Variants in SCAPER observed in about 807,000 individuals in gnomAD.
The protein encoded by SCAPER is S phase cyclin A-associated protein in the endoplasmic reticulum.
In SCAPER, 98 loss-of-function variants were observed where a neutral mutation model predicts 182.2. That is an observed-to-expected ratio of 0.54 (90% confidence interval 0.46 to 0.64). The LOEUF is 0.64. Ranked by LOEUF, SCAPER falls within the 30% of genes least tolerant of loss-of-function variation. SCAPER has a pLI of 0.00. For missense variants in SCAPER, 1,432 were observed against 1,690.0 expected, an observed-to-expected ratio of 0.85 and a Z score of 2.68; for synonymous variants, 605 against 564.6, an observed-to-expected ratio of 1.07 and a Z score of -1.01.
intron 10 of SCAPER, among the ~76,000 whole-genome samples, chr15:76,769,992 G>A (rs2063360344): frequency 6.6e-6 from 1 of 152,024 alleles, no homozygotes; most frequent in Admixed American, 6.6e-5. Context: ...AAGAAAATGT[G>A]GCACATATAT....
intron 21 of SCAPER, among the ~76,000 whole-genome samples, chr15:76,630,660 G>A (rs1317279030): frequency 6.6e-6 from 1 of 152,076 alleles, no homozygotes; most frequent in African/African-American, 2.4e-5. Context: ...TGTGGTCTGA[G>A]AGACCGTTAT....
chr15:76,708,412 GA>G (rs1009255856), intron 17 of SCAPER, among the ~76,000 whole-genome samples: 7 of 150,048 alleles, frequency 4.7e-5, no homozygotes, highest in East Asian at 1.9e-4. Flanking sequence ...GATATGCTAA[GA>G]AAAAAAGTAT....
chr15:76,403,381 A>G (rs1355379633), intron 27 of SCAPER, among the ~76,000 whole-genome samples: 1 of 152,222 alleles, frequency 6.6e-6, no homozygotes, highest in East Asian at 1.9e-4. Flanking sequence ...AACACTGAAC[A>G]CAGGCATGCT....
intron 24 of SCAPER, among the ~76,000 whole-genome samples, chr15:76,484,939 A>T (rs1160638290): frequency 2.0e-5 from 3 of 152,156 alleles, no homozygotes; most frequent in Non-Finnish European, 4.4e-5. Context: ...ACAAACCCAC[A>T]GCCATCATAC....
chr15:76,765,654 G>T lies in SCAPER; in HGVS notation c.1420-16C>A. On this transcript the variant is annotated splice_polypyrimidine_tract_variant and intron_variant, in intron 11 of 31. Coordinates refer to ENST00000563290, the MANE Select transcript of SCAPER (RefSeq NM_020843.4). ...CCATGCTGGCCTAAAATGTAATAAG[G>T]GAAGTTGAAAATCAAATCTTTGAAC... is the stretch of plus-strand genomic sequence containing the variant. 6.4e-7 allele frequency: 1 copy of T among 1,557,062 alleles called. No individual in the cohort carries two copies.
chr15:76,538,801 G>T (rs1179290621), intron 23 of SCAPER, among the ~76,000 whole-genome samples: 1 of 152,082 alleles, frequency 6.6e-6, no homozygotes, highest in Non-Finnish European at 1.5e-5. Context: ...AATGGAACCT[G>T]GCAAATTATG....
intron 27 of SCAPER, among the ~76,000 whole-genome samples, chr15:76,388,502 C>A (rs142585333): frequency 1.3e-5 from 2 of 151,960 alleles, no homozygotes; most frequent in African/African-American, 4.8e-5. Context: ...GTGAAGTGGG[C>A]CGTTTGGTGT....
At chr15:76,817,686 T>G (rs1452896109) in intron 5 of SCAPER, among the ~76,000 whole-genome samples, 2 of 152,092 alleles carry the variant, frequency 1.3e-5, no homozygotes, top group Non-Finnish European at 2.9e-5. Flanking sequence ...CTCAAATATA[T>G]ATAACAAATA....
At chr15:76,443,924 G>A (rs166933) in intron 25 of SCAPER, among the ~76,000 whole-genome samples, 15,389 of 152,224 alleles carry the variant, frequency 0.1, 915 homozygotes, top group African/African-American at 0.17. Context: ...AAGCAAATGC[G>A]GACCAGTCAA....
chr15:76,750,033 A>G (rs1005567280), intron 15 of SCAPER, among the ~76,000 whole-genome samples: 1 of 152,000 alleles, frequency 6.6e-6, no homozygotes. Context: ...AAAAACAGGC[A>G]CAAGAGATAA....
chr15:76,556,134 T>A (rs953477254), intron 23 of SCAPER, among the ~76,000 whole-genome samples: 2 of 152,056 alleles, frequency 1.3e-5, no homozygotes, highest in African/African-American at 2.4e-5. Context: ...GAAAACCATA[T>A]AATCACAAGG....
chr15:76,807,280 C>T (rs1259595651), intron 5 of SCAPER, among the ~76,000 whole-genome samples: 3 of 152,156 alleles, frequency 2.0e-5, no homozygotes, highest in African/African-American at 7.2e-5. Context: ...TTGTCAAATG[C>T]CTTTTCTGCA....
chr15:76,728,409 C>A (rs767472869), intron 17 of SCAPER, among the ~76,000 whole-genome samples, 186 bp downstream of exon 17: 3 of 152,088 alleles, frequency 2.0e-5, no homozygotes, highest in Non-Finnish European at 2.9e-5. Flanking sequence ...TGGTACACAC[C>A]TGTAGTCCAA....
chr15:76,533,231 ACT>A (rs1404848578), intron 23 of SCAPER, among the ~76,000 whole-genome samples: 1 of 152,194 alleles, frequency 6.6e-6, no homozygotes, highest in African/African-American at 2.4e-5. Context: ...AAGGAAGTGC[ACT>A]GTTAAAAATC....
At chr15:76,582,034 C>G (rs755673205) in intron 22 of SCAPER, among the ~76,000 whole-genome samples, 2 of 152,148 alleles carry the variant, frequency 1.3e-5, no homozygotes, top group East Asian at 3.8e-4. Context: ...AAAAGCCTTT[C>G]CTCTAAGAAC....
rs371841334 is a variant in SCAPER at position 76,693,307 on chromosome 15, G to A, written c.2508+8451C>T. Among the ~76,000 whole-genome samples, 7 of 152,096 alleles carry A rather than the reference G, an allele frequency of 4.6e-5. No individual in the cohort carries two copies. The East Asian group carries it at 1.3e-3, about 29-fold the overall frequency. On this transcript the variant is annotated intron_variant, in intron 20 of 31. Coordinates refer to ENST00000563290, the MANE Select transcript of SCAPER (RefSeq NM_020843.4). ...ATTTAAAGTAAGACCAACCTATTTGGATGGCTGCTATTAAAAAATTGAAAA... is the reference window on the plus strand; with the variant it reads ...ATTTAAAGTAAGACCAACCTATTTGAATGGCTGCTATTAAAAAATTGAAAA...
In SCAPER at chr15:76,471,080, T is replaced by TTTC. The variant is rs900611944; in HGVS notation, c.3078+129_3078+131dup. On this transcript the variant is annotated intron_variant, in intron 25 of 31. Transcript: ENST00000563290. The stretch of plus-strand genomic sequence containing the variant: ...TCTCTATTCTCACAGTCATCTTCAC[T>TTTC]TTCTTCTTCTTCTTCTTCTTTTTTT... 1,168 of 628,210 alleles carry TTTC rather than the reference T, an allele frequency of 1.9e-3. 18 individuals are homozygous for TTTC. The highest frequency in any genetic ancestry group is 5.5e-3 in the South Asian group (142 of 26,010). The allele number at this position is 628,210 out of a possible 1,614,324, so 38.9% of individuals were successfully genotyped here.
In SCAPER at chr15:76,416,296, G is replaced by A. The variant is rs148547966; in HGVS notation, c.3312-11617C>T. 3.8e-3 allele frequency among the ~76,000 whole-genome samples: 540 copies of A among 143,450 alleles called. 2 individuals carry two copies. Among genetic ancestry groups the A allele is most frequent in the African/African-American group, 0.013 (518 of 38,800 alleles). 94.1% of individuals were successfully genotyped at this position (143,450 alleles called of 152,430 possible). On this transcript the variant is annotated intron_variant, in intron 26 of 31. Coordinates refer to ENST00000563290, the MANE Select transcript of SCAPER (RefSeq NM_020843.4). ...TCAAGACCAGCTTGGCCAATATGGT[G>A]AAACCCTGCCTCTACTAAAAGAAAA...
chr15:76,531,937 T>C (rs1159398766), intron 23 of SCAPER, among the ~76,000 whole-genome samples: 2 of 152,198 alleles, frequency 1.3e-5, no homozygotes, highest in Non-Finnish European at 2.9e-5. Context: ...CTAGCAACAA[T>C]ACACATCTTC....
Sources: gnomAD v4.1 joint callset for allele counts (sites outside exome capture counted in the v4.1 genomes callset) on GRCh38, gnomAD v4.1.1 for gene constraint, MANE v1.5 for transcripts, NCBI Gene and HGNC (gene_info 2026-07-23, HGNC 2026-07-21) for gene names.